The following KIAA1328 variants were observed in gnomAD, a reference collection of about 807,000 sequenced individuals.
KIAA1328 encodes protein hinderin.
Under a neutral mutation model 68.1 loss-of-function variants are expected in KIAA1328, and 52 were observed. The observed-to-expected ratio is 0.76, with a 90% confidence interval of 0.61 to 0.96. The LOEUF (loss-of-function observed/expected upper bound fraction) is 0.96. Ranked by LOEUF, KIAA1328 falls within the 40% of genes least tolerant of loss-of-function variation. The probability of loss-of-function intolerance (pLI) is 0.00; values close to 1 mark genes in which losing one functional copy is unlikely to be tolerated. For missense variants in KIAA1328, 641 were observed against 677.6 expected (o/e 0.95, Z 0.60); for synonymous variants, 232 against 239.4 (o/e 0.97, Z 0.28).
At chr18:36,965,264 A>G (rs981890565) in intron 6 of KIAA1328, among the ~76,000 whole-genome samples, 1 of 151,938 alleles carries the variant, frequency 6.6e-6, no homozygotes, top group East Asian at 1.9e-4. Flanking sequence ...TGTTAGAGAA[A>G]CTTCTTTATT....
intron 6 of KIAA1328, among the ~76,000 whole-genome samples, chr18:37,031,101 G>T (rs1250342195): frequency 1.3e-5 from 2 of 152,150 alleles, no homozygotes; most frequent in Non-Finnish European, 2.9e-5. Flanking sequence ...ATTTTGGTTG[G>T]TTCCAAGTCT....
intron 7 of KIAA1328, among the ~76,000 whole-genome samples, chr18:37,139,059 C>G (rs982726382): frequency 4.0e-5 from 6 of 148,900 alleles, no homozygotes; most frequent in African/African-American, 1.5e-4. Context: ...CGGGTTCACG[C>G]CATTCTCCTG....
chr18:36,855,464 T>A (rs557261169), intron 4 of KIAA1328, among the ~76,000 whole-genome samples: 34 of 152,200 alleles, frequency 2.2e-4, no homozygotes, highest in Non-Finnish European at 4.1e-4. Flanking sequence ...TGTAGAAATA[T>A]CTGTTCAAGT....
chr18:37,152,693 T>C (rs1028428858), intron 7 of KIAA1328, among the ~76,000 whole-genome samples: 1 of 152,116 alleles, frequency 6.6e-6, no homozygotes, highest in Non-Finnish European at 1.5e-5. Context: ...TGAATAGCTG[T>C]GGTGACAGAA....
intron 3 of KIAA1328, among the ~76,000 whole-genome samples, chr18:36,835,582 T>A (rs954970389): frequency 1.5e-4 from 23 of 152,218 alleles, no homozygotes; most frequent in Admixed American, 1.5e-3. Context: ...AACATCTGAC[T>A]TGCTGTAAGC....
intron 6 of KIAA1328, among the ~76,000 whole-genome samples, chr18:37,005,690 T>C (rs1237921995): frequency 6.6e-6 from 1 of 152,094 alleles, no homozygotes; most frequent in Non-Finnish European, 1.5e-5. Flanking sequence ...AGCAAAGATA[T>C]TCGAATCAAC....
intron 5 of KIAA1328, among the ~76,000 whole-genome samples, chr18:36,942,726 T>G (rs757717608): frequency 6.6e-6 from 1 of 152,186 alleles, no homozygotes; most frequent in Non-Finnish European, 1.5e-5. Context: ...TGCATTTCAC[T>G]TTTAATTGAT....
chr18:36,964,350 A>C (rs2051825903), intron 6 of KIAA1328, among the ~76,000 whole-genome samples: 1 of 152,228 alleles, frequency 6.6e-6, no homozygotes, highest in South Asian at 2.1e-4. Flanking sequence ...TTTCACCTGC[A>C]GATTTTATGA....
intron 6 of KIAA1328, among the ~76,000 whole-genome samples, chr18:36,970,769 A>T (rs2052166516): frequency 6.6e-6 from 1 of 152,166 alleles, no homozygotes; most frequent in African/African-American, 2.4e-5. Context: ...CTTCAAGGAG[A>T]ACTACAAACC....
At chr18:36,884,890 A>T (rs1461132299) in intron 4 of KIAA1328, among the ~76,000 whole-genome samples, 2 of 152,090 alleles carry the variant, frequency 1.3e-5, no homozygotes, top group Non-Finnish European at 2.9e-5. Flanking sequence ...CTCTTGTCAG[A>T]AGTCATCCCT....
intron 6 of KIAA1328, among the ~76,000 whole-genome samples, chr18:36,968,402 A>G (rs1004114533): frequency 2.6e-5 from 4 of 152,128 alleles, no homozygotes; most frequent in African/African-American, 4.8e-5. Flanking sequence ...CCCGTAGGCT[A>G]AAAATAAAGG....
At chr18:37,209,992 G>T (rs2060286254) in intron 9 of KIAA1328, among the ~76,000 whole-genome samples, 1 of 152,158 alleles carries the variant, frequency 6.6e-6, no homozygotes, top group Non-Finnish European at 1.5e-5. Context: ...CATTTAAAAG[G>T]CAAGAGAGGA....
intron 7 of KIAA1328, among the ~76,000 whole-genome samples, chr18:37,155,974 G>A (rs927436192): frequency 6.6e-6 from 1 of 152,094 alleles, no homozygotes; most frequent in African/African-American, 2.4e-5. Context: ...TCTCTCTTCT[G>A]TTATGCAAAT....
At chr18:37,073,870 G>C (rs2056617766) in intron 7 of KIAA1328, among the ~76,000 whole-genome samples, 1 of 152,092 alleles carries the variant, frequency 6.6e-6, no homozygotes, top group Non-Finnish European at 1.5e-5. Context: ...CTTGACACTA[G>C]TTTCTGCTGA....
chr18:36,866,277 T>C (rs182261926), intron 4 of KIAA1328, among the ~76,000 whole-genome samples: 2 of 152,216 alleles, frequency 1.3e-5, no homozygotes, highest in African/African-American at 2.4e-5. Context: ...ACTTAGGTTC[T>C]GACATTGGGC....
At chr18:36,927,939 T>C (rs781675084) in intron 5 of KIAA1328, among the ~76,000 whole-genome samples, 2 of 151,560 alleles carry the variant, frequency 1.3e-5, no homozygotes, top group Non-Finnish European at 2.9e-5. Flanking sequence ...CGGATGGGAG[T>C]GCCCTCGTAA....
At chr18:36,914,913 A>G (rs2049624153) in intron 5 of KIAA1328, among the ~76,000 whole-genome samples, 1 of 152,166 alleles carries the variant, frequency 6.6e-6, no homozygotes, top group Admixed American at 6.5e-5. Flanking sequence ...TATGAAAGAA[A>G]TGAACAGATT....
intron 5 of KIAA1328, among the ~76,000 whole-genome samples, chr18:36,943,917 G>T (rs1196186852): frequency 6.6e-6 from 1 of 152,042 alleles, no homozygotes; most frequent in Non-Finnish European, 1.5e-5. Context: ...AAATGTAACT[G>T]GTATGTATTA....
At chr18:36,944,472 A>T (rs570290290) in intron 5 of KIAA1328, among the ~76,000 whole-genome samples, 2 of 152,208 alleles carry the variant, frequency 1.3e-5, no homozygotes, top group South Asian at 4.2e-4. Flanking sequence ...CCAGCTACTC[A>T]GGAGGCTGAG....
Sources: allele counts gnomAD v4.1 joint callset (sites outside exome capture counted in the v4.1 genomes callset), GRCh38; gene constraint gnomAD v4.1.1; transcripts MANE v1.5; gene names NCBI Gene and HGNC (gene_info 2026-07-23, HGNC 2026-07-21).